The following COL27A1 variants were observed in gnomAD, a reference collection of about 807,000 sequenced individuals.
COL27A1 encodes collagen type XXVII alpha 1 chain.
Under a neutral mutation model 251.3 loss-of-function variants are expected in COL27A1, and 106 were observed. The ratio of observed to expected loss-of-function variants is 0.42; its 90% CI spans 0.36 to 0.50. COL27A1 has a LOEUF of 0.50. COL27A1 is among the 20% of genes least tolerant of loss of function. COL27A1 has a pLI of 0.00. For synonymous variants in COL27A1, 1,000 were observed against 986.3 expected (o/e 1.01, Z -0.26); for missense variants, 2,325 against 2,522.8 (o/e 0.92, Z 1.68).
intron 37 of COL27A1, among the ~76,000 whole-genome samples, chr9:114,279,002 C>T (rs1347530549): frequency 6.6e-6 from 1 of 152,186 alleles, no homozygotes; most frequent in Non-Finnish European, 1.5e-5. Context: ...GGGCACGTCC[C>T]AGCAAGTGGC....
At chr9:114,309,221 G>GGGTGTGGGC in intron 59 of COL27A1, 39 bp from the exon 60 acceptor site, 1 of 1,581,136 alleles carries the variant, frequency 6.3e-7, no homozygotes, top group Non-Finnish European at 8.7e-7. Context: ...GGGGTGTGGG[G>GGGTGTGGGC]GGCAGCCTGA....
At chr9:114,304,088 G>T (rs1047124837) in intron 56 of COL27A1, among the ~76,000 whole-genome samples, 3 of 152,198 alleles carry the variant, frequency 2.0e-5, no homozygotes, top group South Asian at 2.1e-4. Context: ...CCCCTCCCCC[G>T]GCTTGAACAA....
At chr9:114,235,683 C>G in intron 17 of COL27A1, 31 bp downstream of exon 17, 1 of 1,523,536 alleles carries the variant, frequency 6.6e-7, no homozygotes. Context: ...CCTCCCCCTG[C>G]CCCTGCCCCT....
At position 114,204,249 on chromosome 9, in the gene COL27A1, C is replaced by T. The variant is rs1217436830; in HGVS notation, c.2125-853C>T. ...AGTTAGGGACAGCATCTAAAGCAAG[C>T]CCAGAGCTCCCTGCGTAAGAGGGTC... On this transcript the variant is annotated intron_variant, in intron 7 of 60. Transcript: ENST00000356083. Among the ~76,000 whole-genome samples the T allele has an allele frequency of 2.0e-5, 3 of 152,278 alleles. No individual in the cohort carries two copies. In the East Asian group the frequency reaches 5.8e-4, roughly 29 times the overall value.
intron 37 of COL27A1, among the ~76,000 whole-genome samples, chr9:114,280,321 G>T (rs1169108143): frequency 6.6e-6 from 1 of 151,920 alleles, no homozygotes; most frequent in Non-Finnish European, 1.5e-5. Flanking sequence ...TCATGCCTCG[G>T]CACTCCCAGG....
chr9:114,180,977 C>T lies in COL27A1; in HGVS notation c.1963-2045C>T, dbSNP rs1431820. 3.1e-3 allele frequency among the ~76,000 whole-genome samples: 477 copies of T among 152,284 alleles called. 2 individuals carry two copies. Among genetic ancestry groups the T allele is most frequent in the Non-Finnish European group, 5.4e-3 (369 of 68,030 alleles). On this transcript the variant is annotated intron_variant, in intron 4 of 60. Transcript: ENST00000356083. ...TTGACCTTGTGCAGCCTACGCCTGG[C>T]TCTGGTGGAACTGGGTGTCAGGAAC... is the stretch of plus-strand genomic sequence containing the variant.
rs7018988 is a variant in COL27A1 at position 114,290,492 on chromosome 9, C to A, written c.4368+161C>A. Among the ~76,000 whole-genome samples, 52,124 of 152,034 alleles carry A rather than the reference C, an allele frequency of 0.34. 9,478 individuals are homozygous for A. The highest frequency in any genetic ancestry group is 0.64 in the East Asian group (3,286 of 5,156). ...GGTGGGCAACCATCTCCTCCCCTGG[C>A]ACCTGGGAGTGTGGACCTTCTGACT... On this transcript the variant is annotated intron_variant, in intron 47 of 60. Transcript: ENST00000356083. The surrounding 1 kb of genome is among the most constrained non-coding windows in gnomAD (Gnocchi z 4.6).
chr9:114,297,520 A>T (rs1214812571), intron 49 of COL27A1, among the ~76,000 whole-genome samples: 1 of 152,252 alleles, frequency 6.6e-6, no homozygotes, highest in Non-Finnish European at 1.5e-5. Flanking sequence ...AAGCTGGTTC[A>T]ACTGTTGGAA....
chr9:114,199,329 C>T (rs1829413428), intron 7 of COL27A1, among the ~76,000 whole-genome samples: 1 of 152,086 alleles, frequency 6.6e-6, no homozygotes, highest in African/African-American at 2.4e-5. Flanking sequence ...ACGAGATAGC[C>T]CTTCCCTCCC....
In COL27A1 at chr9:114,269,303, A is replaced by G; in HGVS notation, c.3555+9A>G. 1 of 1,605,734 alleles carries G rather than the reference A, an allele frequency of 6.2e-7. No homozygotes were observed. The highest frequency in any genetic ancestry group is 8.5e-7 in the Non-Finnish European group (1 of 1,175,174). On this transcript the variant is annotated intron_variant, in intron 35 of 60. Transcript: ENST00000356083. ...GCCTCATTGGGCAACGGGTAAGTTG[A>G]AGCAATTTATTCTTCCTGAAAGCCC...
At chr9:114,265,870 G>A (rs1834708145) in intron 32 of COL27A1, among the ~76,000 whole-genome samples, 1 of 152,214 alleles carries the variant, frequency 6.6e-6, no homozygotes, top group Non-Finnish European at 1.5e-5. Flanking sequence ...ACCTCAGAAA[G>A]GGCAGGAGGA....
Position 114,162,757 on chromosome 9 carries a change from C to A in COL27A1, c.105C>A (p.His35Gln). Residue 35 changes from histidine to glutamine, a missense_variant, in exon 2 of 61, where the codon CAC becomes CAA. His to Gln is a conservative substitution (Grantham distance 24, BLOSUM62 0). Coordinates refer to ENST00000356083, the MANE Select transcript of COL27A1 (RefSeq NM_032888.4). ...GGATCTTAGTCTCGTTTGCCTGTCA[C>A]CTGGCCTCCACCCAAGGAGCTCCTG... ...FSWILVSFAC[H>Q]LASTQGAPED... is the part of the protein sequence containing the mutation. The A allele has an allele frequency of 6.2e-7, 1 of 1,613,176 alleles. No individual in the cohort carries two copies. The highest frequency in any genetic ancestry group is 8.5e-7 in the Non-Finnish European group (1 of 1,179,704).
At chr9:114,240,053 C>T (rs1467726570) in intron 19 of COL27A1, among the ~76,000 whole-genome samples, 167 bp from the exon 20 acceptor site, 1 of 152,170 alleles carries the variant, frequency 6.6e-6, no homozygotes, top group Non-Finnish European at 1.5e-5. Flanking sequence ...AACCATGCAC[C>T]CTGTTTTAGA....
At chr9:114,227,548 G>T (rs544885884) in intron 14 of COL27A1, among the ~76,000 whole-genome samples, 2 of 152,184 alleles carry the variant, frequency 1.3e-5, no homozygotes, top group Non-Finnish European at 2.9e-5. Context: ...TGAGCAGCTG[G>T]TGAGGGTCCA....
rs988408351 is a variant in COL27A1, at chr9:114,290,196, C to T, written c.4261-28C>T. ...TCCTCCCACTCCCTGCACCAAATGC[C>T]CTCACCAGCTTTTTATGTACCCCCC... On this transcript the variant is annotated intron_variant, in intron 46 of 60. Coordinates refer to ENST00000356083, the MANE Select transcript of COL27A1 (RefSeq NM_032888.4). This position sits in a 1 kb window ranked among gnomAD's most constrained non-coding sequence, Gnocchi z 4.6. 11 of 1,580,730 alleles carry T rather than the reference C, an allele frequency of 7.0e-6. No individual in the cohort carries two copies. Among genetic ancestry groups the T allele is most frequent in the East Asian group, 2.3e-5 (1 of 43,998 alleles).
At chr9:114,275,588 T>C in intron 36 of COL27A1, 73 bp from the exon 37 acceptor site, 1 of 993,662 alleles carries the variant, frequency 1.0e-6, no homozygotes, top group African/African-American at 1.6e-5. Context: ...AGCCCTGAGA[T>C]TTGGGGCCTC....
At chr9:114,200,996 C>T (rs1258620649) in intron 7 of COL27A1, among the ~76,000 whole-genome samples, 1 of 152,164 alleles carries the variant, frequency 6.6e-6, no homozygotes, top group Non-Finnish European at 1.5e-5. Context: ...GGGACCCCTC[C>T]CCTCCCTGCC....
intron 56 of COL27A1, among the ~76,000 whole-genome samples, chr9:114,303,698 C>A (rs1215701397): frequency 1.3e-5 from 2 of 152,198 alleles, no homozygotes; most frequent in Non-Finnish European, 2.9e-5. Context: ...GAATTTGACC[C>A]TGAGGAGTAG....
At chr9:114,245,141 C>CATTCTTGT in intron 23 of COL27A1, among the ~76,000 whole-genome samples, 1 of 140,160 alleles carries the variant, frequency 7.1e-6, no homozygotes. Flanking sequence ...TGGGAATGTG[C>CATTCTTGT]ATTCTTGTTT....
Sources: allele counts gnomAD v4.1 joint callset (sites outside exome capture counted in the v4.1 genomes callset), GRCh38; gene constraint gnomAD v4.1.1; non-coding constraint Gnocchi (gnomAD v3.1); transcripts MANE v1.5; gene names NCBI Gene and HGNC (gene_info 2026-07-23, HGNC 2026-07-21).